Variants in CHN1 observed in about 807,000 individuals in gnomAD.
CHN1 encodes chimerin 1.
A neutral mutation model predicts 59.5 loss-of-function variants in CHN1; 37 were observed. That is an observed-to-expected ratio of 0.62 (90% CI 0.48 to 0.82). CHN1 has a LOEUF of 0.82. Ranked by LOEUF, CHN1 falls within the 40% of genes least tolerant of loss-of-function variation. CHN1 has a pLI of 0.00. For synonymous variants in CHN1, 206 were observed against 200.4 expected (o/e 1.03, Z -0.24); for missense variants, 469 against 571.0 (o/e 0.82, Z 1.82).
chr2:174,844,118 T>C (rs1193207510), intron 7 of CHN1, among the ~76,000 whole-genome samples: 4 of 152,080 alleles, frequency 2.6e-5, no homozygotes, highest in Non-Finnish European at 4.4e-5. Context: ...TTGGTGCATT[T>C]ATCTGTAAAA....
In CHN1 at chr2:174,799,667, G is replaced by C. The variant is rs773269643; in HGVS notation, c.*449C>G. 36 of 533,170 alleles carry C rather than the reference G, an allele frequency of 6.8e-5. No homozygotes were observed. Among genetic ancestry groups the C allele is most frequent in the Non-Finnish European group, 1.1e-4 (29 of 275,776 alleles). 33.0% of individuals were successfully genotyped at this position (533,170 alleles called of 1,614,324 possible). A position where few individuals can be genotyped will look rare whatever the true frequency, so the allele number is the denominator to read the frequency against. ...GGTTTATGGTAATGTAACAGCCAGA[G>C]GTGCTGTTTTATCCATTTGTGTGTG... On this transcript the variant is annotated 3_prime_UTR_variant, in exon 13 of 13. Coordinates refer to ENST00000409900, the MANE Select transcript of CHN1 (RefSeq NM_001822.7).
intron 5 of CHN1, among the ~76,000 whole-genome samples, chr2:174,882,075 A>G (rs1687753913): frequency 6.6e-6 from 1 of 152,156 alleles, no homozygotes; most frequent in African/African-American, 2.4e-5. Context: ...TCCTTTTATT[A>G]TCTGACTCTG....
In CHN1 at chr2:174,891,387, T is replaced by C. The variant is rs532753026; in HGVS notation, c.261-13259A>G. ...GAGTTCAAGACCAGCCTGGCCAAGA[T>C]GGTGAAACCCTGTCTCTACTAAAAA... On this transcript the variant is annotated intron_variant, in intron 5 of 12. Transcript: ENST00000409900. Among the ~76,000 whole-genome samples, 3 of 151,068 alleles carry C rather than the reference T, an allele frequency of 2.0e-5. No homozygotes were observed. The South Asian group carries it at 6.3e-4, about 32-fold the overall frequency.
intron 1 of CHN1, among the ~76,000 whole-genome samples, chr2:175,002,406 A>C (rs1039360338): frequency 6.6e-6 from 1 of 152,210 alleles, no homozygotes; most frequent in South Asian, 2.1e-4. Flanking sequence ...GAGAGATAAA[A>C]CAGTCTTAAC....
chr2:175,002,808 T>C (rs946461116), intron 1 of CHN1, among the ~76,000 whole-genome samples: 1 of 152,332 alleles, frequency 6.6e-6, no homozygotes, highest in South Asian at 2.1e-4. Flanking sequence ...ATTGCTCCAT[T>C]GCTCTTCTGT....
chr2:175,001,777 C>A (rs1691898796), intron 1 of CHN1, among the ~76,000 whole-genome samples: 1 of 152,178 alleles, frequency 6.6e-6, no homozygotes, highest in South Asian at 2.1e-4. Flanking sequence ...GAGATTCCTG[C>A]CAAGGCAAGA....
intron 5 of CHN1, among the ~76,000 whole-genome samples, chr2:174,887,550 G>A (rs376183188): frequency 6.6e-6 from 1 of 152,092 alleles, no homozygotes; most frequent in African/African-American, 2.4e-5. Context: ...GGGAGATAAA[G>A]TAACTTGCCT....
intron 6 of CHN1, among the ~76,000 whole-genome samples, chr2:174,852,111 T>C (rs536728439): frequency 1.4e-5 from 2 of 140,478 alleles, no homozygotes; most frequent in Non-Finnish European, 3.2e-5. Flanking sequence ...ACCCCTTTTT[T>C]TCCTCTATTA....
chr2:174,818,541 AAATAAT>A (rs934346736), intron 8 of CHN1, among the ~76,000 whole-genome samples: 6 of 152,138 alleles, frequency 3.9e-5, no homozygotes, highest in East Asian at 1.9e-4. Flanking sequence ...GCTATACTAC[AAATAAT>A]AATAATAATA....
At chr2:174,891,140 C>CAAAAAAAAAAAAA (rs58016502) in intron 5 of CHN1, among the ~76,000 whole-genome samples, 6 of 24,414 alleles carry the variant, frequency 2.5e-4, no homozygotes, top group Non-Finnish European at 3.5e-4. Context: ...GACTCCATCT[C>CAAAAAAAAAAAAA]AAAAAAAAAA....
chr2:174,978,940 C>T (rs1484069215), intron 1 of CHN1, among the ~76,000 whole-genome samples: 1 of 152,300 alleles, frequency 6.6e-6, no homozygotes, highest in African/African-American at 2.4e-5. Context: ...CATCCATTCA[C>T]TCCTTCATTC....
At chr2:174,973,626 C>T (rs1337759922) in intron 1 of CHN1, among the ~76,000 whole-genome samples, 1 of 152,168 alleles carries the variant, frequency 6.6e-6, no homozygotes, top group Non-Finnish European at 1.5e-5. Context: ...TACACATTTT[C>T]AGCCAGGTTG....
At chr2:174,926,257 G>A (rs1403276971) in intron 3 of CHN1, among the ~76,000 whole-genome samples, 2 of 150,592 alleles carry the variant, frequency 1.3e-5, no homozygotes, top group African/African-American at 4.9e-5. Context: ...AGGCTGGAGT[G>A]CAGTGGTGAT....
intron 1 of CHN1, among the ~76,000 whole-genome samples, chr2:174,970,916 A>G (rs186398781): frequency 1.4e-4 from 21 of 152,366 alleles, no homozygotes; most frequent in African/African-American, 3.8e-4. Context: ...ACAAAACAAT[A>G]TATTTCAAAA....
At chr2:174,890,969 T>A (rs1401062128) in intron 5 of CHN1, among the ~76,000 whole-genome samples, 1 of 135,394 alleles carries the variant, frequency 7.4e-6, no homozygotes, top group Non-Finnish European at 1.6e-5. Context: ...ACCCTGTCTC[T>A]ACTAAAAATA....
chr2:174,805,768 CAAG>C (rs1177824425), intron 11 of CHN1, among the ~76,000 whole-genome samples: 1 of 152,182 alleles, frequency 6.6e-6, no homozygotes, highest in Non-Finnish European at 1.5e-5. Flanking sequence ...AACTTGAATA[CAAG>C]AAGATTAAAA....
At chr2:174,954,023 C>T (rs538073997) in intron 1 of CHN1, among the ~76,000 whole-genome samples, 1 of 152,282 alleles carries the variant, frequency 6.6e-6, no homozygotes, top group South Asian at 2.1e-4. Flanking sequence ...GAAGGCATTA[C>T]ATTACCCAGT....
At chr2:174,934,268 G>A (rs1052855378) in intron 3 of CHN1, among the ~76,000 whole-genome samples, 11 of 152,206 alleles carry the variant, frequency 7.2e-5, no homozygotes, top group African/African-American at 2.7e-4. Context: ...GGTAATGGGA[G>A]ACAGTGACAG....
chr2:174,909,899 G>C (rs1312128218), intron 5 of CHN1, among the ~76,000 whole-genome samples: 1 of 151,998 alleles, frequency 6.6e-6, no homozygotes, highest in Non-Finnish European at 1.5e-5. Context: ...CGATATACTG[G>C]GATTATTATC....
Sources: allele counts gnomAD v4.1 joint callset (sites outside exome capture counted in the v4.1 genomes callset), GRCh38; gene constraint gnomAD v4.1.1; transcripts MANE v1.5; gene names NCBI Gene and HGNC (gene_info 2026-07-23, HGNC 2026-07-21).